PPP3R1: variants seen among roughly 807,000 people sequenced by gnomAD.
PPP3R1 encodes the protein calcineurin subunit B type 1.
In PPP3R1, 5 loss-of-function variants were observed where a neutral mutation model predicts 22.6. That is an observed-to-expected ratio of 0.22 (90% CI 0.12 to 0.46). The LOEUF (loss-of-function observed/expected upper bound fraction) is 0.46, where lower values mean the gene tolerates loss of function less well. Among genes scored for constraint, PPP3R1 ranks in the 20% least tolerant of loss-of-function variants. The probability of loss-of-function intolerance (pLI) is 0.99; values close to 1 mark genes in which losing one functional copy is unlikely to be tolerated. For missense variants in PPP3R1, 61 were observed against 203.2 expected, an observed-to-expected ratio of 0.30 and a Z score of 4.25; for synonymous variants, 56 against 65.2, an observed-to-expected ratio of 0.86 and a Z score of 0.68.
rs377485495 is a variant in PPP3R1, at chr2:68,223,743, T to C, written c.4-6612A>G. Among the ~76,000 whole-genome samples, 4 of 145,574 alleles carry C rather than the reference T, an allele frequency of 2.7e-5. No homozygotes were observed. The East Asian group carries it at 8.0e-4, about 29-fold the overall frequency. On this transcript the variant is annotated intron_variant, in intron 1 of 5. Coordinates refer to ENST00000234310, the MANE Select transcript of PPP3R1 (RefSeq NM_000945.4). ...AAAATTCTTCAAAAAGTGTCATATG[T>C]AATAAGATTCTCCCTAAGATTAGAA...
chr2:68,202,987 T>C (rs1675017862), intron 2 of PPP3R1, among the ~76,000 whole-genome samples: 1 of 151,820 alleles, frequency 6.6e-6, no homozygotes, highest in Non-Finnish European at 1.5e-5. Context: ...CCAGGGATTA[T>C]TAAAAACCGT....
At chr2:68,245,376 A>T (rs1198970109) in intron 1 of PPP3R1, among the ~76,000 whole-genome samples, 1 of 152,194 alleles carries the variant, frequency 6.6e-6, no homozygotes, top group East Asian at 1.9e-4. Flanking sequence ...AAGAAAAAAA[A>T]ATTATTCAGT....
Position 68,197,410 on chromosome 2 carries a change from AC to A in PPP3R1, c.44-8721del, listed in dbSNP as rs535400061. Among the ~76,000 whole-genome samples, 7 of 152,278 alleles carry A rather than the reference AC, an allele frequency of 4.6e-5. No individual in the cohort carries two copies. The East Asian group carries it at 1.4e-3, about 29-fold the overall frequency. On this transcript the variant is annotated intron_variant, in intron 2 of 5. Transcript: ENST00000234310. ...GTATAGTCCATTATATGGATATACC[AC>A]AATTTGTTTATGCATTCATCTGTTG...
intron 2 of PPP3R1, among the ~76,000 whole-genome samples, chr2:68,195,292 C>A (rs997405803): frequency 1.3e-5 from 2 of 152,114 alleles, no homozygotes; most frequent in Non-Finnish European, 2.9e-5. Flanking sequence ...TCAGTTTGAG[C>A]TTCCTGTTTT....
intron 1 of PPP3R1, among the ~76,000 whole-genome samples, chr2:68,219,713 GA>G (rs1669648451): frequency 6.6e-6 from 1 of 152,148 alleles, no homozygotes; most frequent in Non-Finnish European, 1.5e-5. Flanking sequence ...GATACTGTGA[GA>G]GACATACCCA....
At position 68,180,077 on chromosome 2, in the gene PPP3R1, C is replaced by CATG. The variant is rs1674369434; in HGVS notation, c.*883_*885dup. On this transcript the variant is annotated 3_prime_UTR_variant, in exon 6 of 6. Transcript: ENST00000234310. ...TCAGTAAGTGATACATACAATCAAT[C>CATG]ATGATTGCCTCAGACAGCTTCTGGC... The CATG allele has an allele frequency of 6.6e-6, 1 of 152,182 alleles. No homozygotes were observed. Among genetic ancestry groups the CATG allele is most frequent in the Non-Finnish European group, 1.5e-5 (1 of 68,028 alleles). 9.4% of individuals were successfully genotyped at this position (152,182 alleles called of 1,614,324 possible). A position where few individuals can be genotyped will look rare whatever the true frequency, so the allele number is the denominator to read the frequency against.
At chr2:68,216,089 G>C (rs976623944) in intron 2 of PPP3R1, among the ~76,000 whole-genome samples, 1 of 152,012 alleles carries the variant, frequency 6.6e-6, no homozygotes, top group Non-Finnish European at 1.5e-5. Flanking sequence ...ATTTTTTAAA[G>C]GGATGGCAAA....
At chr2:68,199,443 GTCTTTT>G (rs1282946119) in intron 2 of PPP3R1, among the ~76,000 whole-genome samples, 1 of 152,062 alleles carries the variant, frequency 6.6e-6, no homozygotes, top group African/African-American at 2.4e-5. Context: ...CCAATCTCAA[GTCTTTT>G]TCTTTTTCTT....
intron 1 of PPP3R1, among the ~76,000 whole-genome samples, chr2:68,223,734 T>G (rs1291258164): frequency 6.6e-6 from 1 of 151,042 alleles, no homozygotes; most frequent in African/African-American, 2.4e-5. Flanking sequence ...CTTCAAAAAG[T>G]GTCATATGTA....
At chr2:68,192,462 A>G (rs1381108198) in intron 2 of PPP3R1, among the ~76,000 whole-genome samples, 1 of 152,200 alleles carries the variant, frequency 6.6e-6, no homozygotes. Context: ...ATATTTATGC[A>G]AACTATTTAT....
At chr2:68,189,147 T>C (rs1331051679) in intron 2 of PPP3R1, among the ~76,000 whole-genome samples, 1 of 152,232 alleles carries the variant, frequency 6.6e-6, no homozygotes, top group Admixed American at 6.5e-5. Context: ...ATTTACTTTA[T>C]TTCTAATAGT....
At chr2:68,181,273 G>C (rs1226677571) in intron 5 of PPP3R1, among the ~76,000 whole-genome samples, 1 of 151,682 alleles carries the variant, frequency 6.6e-6, no homozygotes, top group Admixed American at 6.6e-5. Flanking sequence ...TGTGCCTCTA[G>C]TCCCAGCTAC....
At chr2:68,252,052 GC>G in intron 1 of PPP3R1, 72 bp downstream of exon 1, 1 of 1,322,836 alleles carries the variant, frequency 7.6e-7, no homozygotes, top group Non-Finnish European at 9.9e-7. Context: ...GGGCGTCGGG[GC>G]TCGCCCCCGC....
intron 1 of PPP3R1, among the ~76,000 whole-genome samples, chr2:68,239,948 A>C (rs1670088878): frequency 6.6e-6 from 1 of 152,188 alleles, no homozygotes; most frequent in Non-Finnish European, 1.5e-5. Flanking sequence ...TTTCACTTTC[A>C]GTACAGTTTT....
intron 5 of PPP3R1, among the ~76,000 whole-genome samples, chr2:68,184,164 G>A (rs768618299): frequency 1.3e-5 from 2 of 152,212 alleles, no homozygotes; most frequent in South Asian, 2.1e-4. Context: ...GAGTAGGGAA[G>A]GCGATCTTGT....
chr2:68,201,523 C>T (rs1356808908), intron 2 of PPP3R1, among the ~76,000 whole-genome samples: 2 of 152,160 alleles, frequency 1.3e-5, no homozygotes, highest in Admixed American at 1.3e-4. Flanking sequence ...TCTGCCATTT[C>T]GTTCTAATTT....
At chr2:68,239,401 G>T (rs756808930) in intron 1 of PPP3R1, among the ~76,000 whole-genome samples, 1 of 152,152 alleles carries the variant, frequency 6.6e-6, no homozygotes, top group Non-Finnish European at 1.5e-5. Context: ...GAAGTGAAGA[G>T]AGTAAAAAAG....
intron 1 of PPP3R1, among the ~76,000 whole-genome samples, chr2:68,235,473 C>A (rs1406174813): frequency 1.3e-5 from 2 of 152,148 alleles, no homozygotes; most frequent in Admixed American, 1.3e-4. Context: ...AATATATGAT[C>A]CTGTATGACT....
chr2:68,251,006 G>C (rs1670337637), intron 1 of PPP3R1: 1 of 152,238 alleles, frequency 6.6e-6, no homozygotes, highest in Admixed American at 6.5e-5. Context: ...ACCAGTTTAA[G>C]TCTTCTGACA....
Sources: gnomAD v4.1 joint callset for allele counts (sites outside exome capture counted in the v4.1 genomes callset) on GRCh38, gnomAD v4.1.1 for gene constraint, MANE v1.5 for transcripts, NCBI Gene and HGNC (gene_info 2026-07-23, HGNC 2026-07-21) for gene names.